Variants in MED13L observed in about 807,000 individuals in gnomAD.
The protein encoded by MED13L is mediator of RNA polymerase II transcription subunit 13-like.
MED13L carries 7 observed loss-of-function variants against 220.9 expected under a neutral mutation model. The observed-to-expected ratio is 0.03, with a 90% confidence interval of 0.02 to 0.06. MED13L has a LOEUF of 0.06. Ranked by LOEUF, MED13L falls within the 10% of genes least tolerant of loss-of-function variation. The pLI is 1.00. For synonymous variants in MED13L, 1,011 were observed against 1,015.2 expected (o/e 1.00, Z 0.08); for missense variants, 1,965 against 2,760.5 (o/e 0.71, Z 6.46).
intron 2 of MED13L, among the ~76,000 whole-genome samples, chr12:116,168,574 T>C (rs1156618866): frequency 6.6e-6 from 1 of 152,168 alleles, no homozygotes; most frequent in African/African-American, 2.4e-5. Context: ...GAAAAAGAGG[T>C]ATTAGAAAGT....
At chr12:116,200,798 G>A (rs1034052410) in intron 2 of MED13L, among the ~76,000 whole-genome samples, 4 of 152,182 alleles carry the variant, frequency 2.6e-5, no homozygotes, top group Middle Eastern at 3.4e-3. Flanking sequence ...AAAGCACTAC[G>A]CAGCAAGTTA....
chr12:116,091,470 A>G (rs932490637), intron 4 of MED13L, among the ~76,000 whole-genome samples: 3 of 152,220 alleles, frequency 2.0e-5, no homozygotes, highest in African/African-American at 7.2e-5. Flanking sequence ...ATTCCCCTAT[A>G]TATGTTTATG....
chr12:116,097,465 C>T (rs188198138), intron 3 of MED13L, among the ~76,000 whole-genome samples: 87 of 152,158 alleles, frequency 5.7e-4, no homozygotes, highest in Admixed American at 5.0e-3. Flanking sequence ...AGTTTTAATG[C>T]TGGCTTTTTA....
At chr12:116,132,041 G>A (rs1017454460) in intron 2 of MED13L, among the ~76,000 whole-genome samples, 6 of 152,112 alleles carry the variant, frequency 3.9e-5, no homozygotes, top group Non-Finnish European at 8.8e-5. Flanking sequence ...CACTGTGGGA[G>A]GCCAAGGCGG....
chr12:116,141,842 G>A (rs953635609), intron 2 of MED13L, among the ~76,000 whole-genome samples: 1 of 151,966 alleles, frequency 6.6e-6, no homozygotes, highest in Non-Finnish European at 1.5e-5. Context: ...ACCCTTCAAT[G>A]GCTTCTCAAC....
Position 116,086,131 on chromosome 12 carries a change from T to C in MED13L, c.479+10538A>G, listed in dbSNP as rs1468665711. On this transcript the variant is annotated intron_variant, in intron 4 of 30. Transcript: ENST00000281928. ...CCAAAAGTAGTCTAACCAAAGTATA[T>C]ACGAGGGCAGAGTGATTTGAAACAA... is the stretch of plus-strand genomic sequence containing the variant. 2.6e-5 allele frequency among the ~76,000 whole-genome samples: 4 copies of C among 152,090 alleles called. No homozygotes were observed. In the East Asian group the frequency reaches 7.7e-4, roughly 29 times the overall value.
intron 22 of MED13L, 39 bp from the exon 23 acceptor site, chr12:115,980,977 A>C: frequency 6.4e-7 from 1 of 1,561,344 alleles, no homozygotes; most frequent in Non-Finnish European, 8.7e-7. Flanking sequence ...AAAACCAAAA[A>C]CCTAGAAACT....
At chr12:116,102,691 CTT>C (rs1873158460) in intron 3 of MED13L, among the ~76,000 whole-genome samples, 1 of 91,128 alleles carries the variant, frequency 1.1e-5, no homozygotes, top group Non-Finnish European at 2.3e-5. Flanking sequence ...CCTATATTTT[CTT>C]TTTCTTTTTC....
At chr12:116,120,471 TCTCTCTCACACA>T (rs1214859535) in intron 2 of MED13L, among the ~76,000 whole-genome samples, 141 of 114,554 alleles carry the variant, frequency 1.2e-3, no homozygotes, top group Middle Eastern at 9.0e-3. Context: ...TCTCTCTCTC[TCTCTCTCACACA>T]CACACACACA....
chr12:116,047,290 G>T (rs567430884), intron 4 of MED13L, among the ~76,000 whole-genome samples: 3 of 152,082 alleles, frequency 2.0e-5, no homozygotes, highest in Non-Finnish European at 2.9e-5. Context: ...AAAGGTCAAG[G>T]CAACAGTGAG....
At chr12:116,060,447 G>A (rs900564924) in intron 4 of MED13L, among the ~76,000 whole-genome samples, 12 of 151,266 alleles carry the variant, frequency 7.9e-5, no homozygotes, top group African/African-American at 1.7e-4. Context: ...GCACTGTGGC[G>A]GGTGCCTGTA....
At chr12:116,083,268 G>A (rs1593023018) in intron 4 of MED13L, among the ~76,000 whole-genome samples, 1 of 151,984 alleles carries the variant, frequency 6.6e-6, no homozygotes, top group East Asian at 1.9e-4. Flanking sequence ...GCTAGGCATG[G>A]TGGTACATGC....
At chr12:116,198,869 A>G (rs1383305197) in intron 2 of MED13L, among the ~76,000 whole-genome samples, 2 of 152,192 alleles carry the variant, frequency 1.3e-5, no homozygotes, top group Non-Finnish European at 2.9e-5. Flanking sequence ...CAGCTTTGGA[A>G]AAAGATATAG....
intron 4 of MED13L, among the ~76,000 whole-genome samples, chr12:116,081,155 T>C (rs989769941): frequency 2.0e-5 from 3 of 152,304 alleles, no homozygotes; most frequent in African/African-American, 7.2e-5. Flanking sequence ...ATTAACCACT[T>C]TTGTAACTAA....
At chr12:116,153,757 C>G (rs894582879) in intron 2 of MED13L, among the ~76,000 whole-genome samples, 1 of 152,130 alleles carries the variant, frequency 6.6e-6, no homozygotes, top group Non-Finnish European at 1.5e-5. Context: ...ACAGAAAAAT[C>G]TTTCTAACTT....
chr12:116,276,602 T>C (rs1873860106), intron 1 of MED13L: 2 of 1,203,162 alleles, frequency 1.7e-6, no homozygotes, highest in East Asian at 1.2e-4. Context: ...ATTATGGAAT[T>C]TAAAAAAATT....
At position 115,975,376 on chromosome 12, in the gene MED13L, T is replaced by TC. The variant is rs1565987574; in HGVS notation, c.5589-64_5589-63insG. On this transcript the variant is annotated intron_variant, in intron 24 of 30. Transcript: ENST00000281928. ...TAGATAAATCAGAGTTATTTATCAC[T>TC]TATAAGACAAACACTAGAAATTCCA... 1.9e-6 allele frequency: 3 copies of TC among 1,610,944 alleles called. No individual in the cohort carries two copies. In the Admixed American group the frequency reaches 5.0e-5, roughly 27 times the overall value.
At chr12:116,021,853 A>T (rs1880080230) in intron 5 of MED13L, among the ~76,000 whole-genome samples, 1 of 152,214 alleles carries the variant, frequency 6.6e-6, no homozygotes, top group African/African-American at 2.4e-5. Context: ...TCAAAAGGAC[A>T]TGAAGTTATT....
At chr12:116,185,675 TTTCTTTTCTTTTCTTTTC>T (rs1414543688) in intron 2 of MED13L, among the ~76,000 whole-genome samples, 1 of 54,426 alleles carries the variant, frequency 1.8e-5, no homozygotes, top group East Asian at 7.9e-4. Context: ...TTTCTTTTCT[TTTCTTTTCTTTTCTTTTC>T]TTTTCTTTTC....
Sources: gnomAD v4.1 joint callset for allele counts (sites outside exome capture counted in the v4.1 genomes callset) on GRCh38, gnomAD v4.1.1 for gene constraint, MANE v1.5 for transcripts, NCBI Gene and HGNC (gene_info 2026-07-23, HGNC 2026-07-21) for gene names.